Variants in GABRB1 observed in about 807,000 individuals in gnomAD.
GABRB1 encodes gamma-aminobutyric acid type A receptor subunit beta1, also known as gamma-aminobutyric acid receptor subunit beta-1.
In GABRB1, 17 loss-of-function variants were observed where a neutral mutation model predicts 51.6. The ratio of observed to expected loss-of-function variants is 0.33; its 90% CI spans 0.23 to 0.49. The LOEUF (loss-of-function observed/expected upper bound fraction) is 0.49. Ranked by LOEUF, GABRB1 falls within the 20% of genes least tolerant of loss-of-function variation. The pLI is 0.99. For synonymous variants in GABRB1, 247 were observed against 218.9 expected, an observed-to-expected ratio of 1.13 and a Z score of -1.14; for missense variants, 410 against 600.6, an observed-to-expected ratio of 0.68 and a Z score of 3.32.
intron 4 of GABRB1, among the ~76,000 whole-genome samples, chr4:47,266,042 C>A (rs1722629500): frequency 6.6e-6 from 1 of 152,010 alleles, no homozygotes; most frequent in Admixed American, 6.6e-5. Context: ...AGTGTATTTC[C>A]AAGATTTTCT....
intron 8 of GABRB1, among the ~76,000 whole-genome samples, chr4:47,425,378 C>CACACACACACACACACAT (rs1491130376): frequency 1.5e-4 from 4 of 27,284 alleles, no homozygotes; most frequent in African/African-American, 3.0e-4. Flanking sequence ...GAAGAAATAC[C>CACACACACACACACACAT]ACACACACAC....
intron 5 of GABRB1, among the ~76,000 whole-genome samples, chr4:47,385,416 A>G (rs749967330): frequency 1.6e-4 from 24 of 152,318 alleles, no homozygotes; most frequent in Non-Finnish European, 3.2e-4. Context: ...TATTTTAAGA[A>G]GGGAGGTGCC....
chr4:47,018,906 G>A (rs1342946363), intron 1 of GABRB1, among the ~76,000 whole-genome samples: 1 of 151,974 alleles, frequency 6.6e-6, no homozygotes, highest in Non-Finnish European at 1.5e-5. Context: ...ACACACCCAT[G>A]TTTTTCAAGA....
intron 4 of GABRB1, among the ~76,000 whole-genome samples, chr4:47,198,957 C>T (rs565904364): frequency 1.8e-4 from 27 of 152,214 alleles, no homozygotes; most frequent in African/African-American, 6.3e-4. Context: ...TGAGAATTCA[C>T]GCACTATCAT....
chr4:47,216,332 A>T (rs1051324841), intron 4 of GABRB1, among the ~76,000 whole-genome samples: 21 of 151,906 alleles, frequency 1.4e-4, no homozygotes, highest in African/African-American at 5.1e-4. Context: ...TCATAAAGTG[A>T]CATACAGTTT....
rs1560520553 is a variant in GABRB1, at chr4:47,071,097, C to T, written c.240+38613C>T. Among the ~76,000 whole-genome samples, 8 of 152,298 alleles carry T rather than the reference C, an allele frequency of 5.3e-5. No homozygotes were observed. In the South Asian group the frequency reaches 1.7e-3, roughly 32 times the overall value. ...CAGATCGTCCATTTAATGGGGTCAA[C>T]TTTGATGTCTCTCTTTCTTCCATAT... On this transcript the variant is annotated intron_variant, in intron 3 of 8. Transcript: ENST00000295454.
intron 4 of GABRB1, among the ~76,000 whole-genome samples, chr4:47,290,762 C>T (rs1447047617): frequency 2.6e-5 from 4 of 152,042 alleles, no homozygotes; most frequent in Non-Finnish European, 5.9e-5. Context: ...CCCTAGAGAT[C>T]GGTGGAACTG....
At chr4:47,355,467 G>A (rs895690360) in intron 5 of GABRB1, among the ~76,000 whole-genome samples, 1 of 152,100 alleles carries the variant, frequency 6.6e-6, no homozygotes, top group African/African-American at 2.4e-5. Flanking sequence ...AAGGGACTCA[G>A]TTTTCACAAA....
At chr4:47,286,013 C>T (rs765327866) in intron 4 of GABRB1, among the ~76,000 whole-genome samples, 1 of 152,164 alleles carries the variant, frequency 6.6e-6, no homozygotes, top group Non-Finnish European at 1.5e-5. Flanking sequence ...TAAAAACTAA[C>T]ATTAAACTTT....
rs530074278 is a variant in GABRB1 at position 47,035,235 on chromosome 4, C to T, written c.240+2751C>T. ...CCCTGATTGGTTTACACATTGTCTG[C>T]TTTACAGACTAACATCGTATCAAGA... is the stretch of plus-strand genomic sequence containing the variant. On this transcript the variant is annotated intron_variant, in intron 3 of 8. Coordinates refer to ENST00000295454, the MANE Select transcript of GABRB1 (RefSeq NM_000812.4). 3.9e-5 allele frequency among the ~76,000 whole-genome samples: 6 copies of T among 152,164 alleles called. No individual in the cohort carries two copies. In the South Asian group the frequency reaches 1.2e-3, roughly 32 times the overall value.
chr4:47,022,484 G>C (rs1403159752), intron 1 of GABRB1, among the ~76,000 whole-genome samples: 1 of 152,020 alleles, frequency 6.6e-6, no homozygotes, highest in Admixed American at 6.6e-5. Flanking sequence ...TTTCTCAAGA[G>C]TGTTTTAGAT....
At chr4:47,278,041 A>G (rs1172450556) in intron 4 of GABRB1, among the ~76,000 whole-genome samples, 2 of 152,052 alleles carry the variant, frequency 1.3e-5, no homozygotes, top group African/African-American at 4.8e-5. Flanking sequence ...TGCTTTTACC[A>G]CCTTATATTT....
At chr4:47,415,607 T>C (rs754007867) in intron 8 of GABRB1, among the ~76,000 whole-genome samples, 1 of 152,162 alleles carries the variant, frequency 6.6e-6, no homozygotes, top group African/African-American at 2.4e-5. Context: ...ACCTAGAAGA[T>C]GCAATTAGGC....
intron 3 of GABRB1, among the ~76,000 whole-genome samples, chr4:47,148,892 A>G (rs1201354204): frequency 6.6e-6 from 1 of 152,088 alleles, no homozygotes; most frequent in African/African-American, 2.4e-5. Context: ...AAAGCAAGGC[A>G]GAAGTCAGCC....
At chr4:47,302,654 C>G (rs2109940321) in intron 4 of GABRB1, among the ~76,000 whole-genome samples, 1 of 152,034 alleles carries the variant, frequency 6.6e-6, no homozygotes, top group East Asian at 1.9e-4. Context: ...ATAAGATTTT[C>G]AGGGTACAAG....
intron 4 of GABRB1, among the ~76,000 whole-genome samples, chr4:47,275,268 C>G (rs1160631630): frequency 6.6e-6 from 1 of 152,130 alleles, no homozygotes; most frequent in Admixed American, 6.6e-5. Context: ...ACCGCTAGGG[C>G]AAATGTGGGG....
At chr4:47,318,185 CT>C (rs1162449556) in intron 4 of GABRB1, among the ~76,000 whole-genome samples, 1 of 151,976 alleles carries the variant, frequency 6.6e-6, no homozygotes, top group Non-Finnish European at 1.5e-5. Context: ...AAAGCACCTA[CT>C]ACACAGCATT....
At chr4:47,051,042 A>G (rs1426074438) in intron 3 of GABRB1, among the ~76,000 whole-genome samples, 2 of 152,128 alleles carry the variant, frequency 1.3e-5, no homozygotes, top group Non-Finnish European at 2.9e-5. Flanking sequence ...GAAAAATGCC[A>G]TTAAAACTCA....
At chr4:47,118,487 C>T (rs897848750) in intron 3 of GABRB1, among the ~76,000 whole-genome samples, 3 of 151,934 alleles carry the variant, frequency 2.0e-5, no homozygotes, top group African/African-American at 7.2e-5. Context: ...GAATTGAAAC[C>T]CTTTCAAAAG....
Sources: gnomAD v4.1 joint callset for allele counts (sites outside exome capture counted in the v4.1 genomes callset) on GRCh38, gnomAD v4.1.1 for gene constraint, MANE v1.5 for transcripts, NCBI Gene and HGNC (gene_info 2026-07-23, HGNC 2026-07-21) for gene names.